TMEM229B: variants seen among roughly 807,000 people sequenced by gnomAD.
TMEM229B encodes transmembrane protein 229B.
Under a neutral mutation model 13.7 loss-of-function variants are expected in TMEM229B, and 6 were observed. That is an observed-to-expected ratio of 0.44 (90% CI 0.24 to 0.86). The LOEUF is 0.86. Among genes scored for constraint, TMEM229B ranks in the 40% least tolerant of loss-of-function variants. The pLI, the probability that TMEM229B is intolerant of heterozygous loss-of-function variation, is 0.23. For synonymous variants in TMEM229B, 107 were observed against 102.1 expected (o/e 1.05, Z -0.29); for missense variants, 170 against 236.0 (o/e 0.72, Z 1.83).
At position 67,473,269 on chromosome 14, in the gene TMEM229B, C is replaced by G. The variant is rs2030892205; in HGVS notation, c.*151G>C. 1 of 1,074,442 alleles carries G rather than the reference C, an allele frequency of 9.3e-7. No homozygotes were observed. Among genetic ancestry groups the G allele is most frequent in the African/African-American group, 1.6e-5 (1 of 63,058 alleles). The allele number at this position is 1,074,442 out of a possible 1,614,324, so 66.6% of individuals were successfully genotyped here. ...TGACCACGGCCCCCCAACACCGGCC[C>G]CCGCGGACGTTAGGGGGCTCTGTGT... On this transcript the variant is annotated 3_prime_UTR_variant, in exon 3 of 3. Transcript: ENST00000554480. The surrounding 1 kb of genome is among the most constrained non-coding windows in gnomAD (Gnocchi z 6.5).
chr14:67,488,428 G>A lies in TMEM229B; in HGVS notation c.-192+80C>T, dbSNP rs181358101. The A allele has an allele frequency of 4.7e-3, 723 of 152,610 alleles. 10 individuals are homozygous for A. The highest frequency in any genetic ancestry group is 0.017 in the African/African-American group (695 of 41,580). 9.5% of individuals were successfully genotyped at this position (152,610 alleles called of 1,614,324 possible). A position where few individuals can be genotyped will look rare whatever the true frequency, so the allele number is the denominator to read the frequency against. ...TGCACTGAGAGCATCACAGTGGGCTGCTGTGCTCAGCCTTGCCTCCCCCTC... is the reference window on the plus strand; with the variant it reads ...TGCACTGAGAGCATCACAGTGGGCTACTGTGCTCAGCCTTGCCTCCCCCTC... On this transcript the variant is annotated intron_variant, in intron 1 of 2. Transcript: ENST00000554480.
chr14:67,514,821 C>A (rs1216039884), intron 1 of TMEM229B, among the ~76,000 whole-genome samples: 1 of 152,182 alleles, frequency 6.6e-6, no homozygotes, highest in Non-Finnish European at 1.5e-5. Context: ...CCCCAACACG[C>A]CCCCCTGTGC....
chr14:67,512,927 T>C (rs1008357923), intron 1 of TMEM229B, among the ~76,000 whole-genome samples: 3 of 152,214 alleles, frequency 2.0e-5, no homozygotes, highest in Admixed American at 1.3e-4. Context: ...TCACAAAAGC[T>C]GTAATTTGGT....
rs747901757 is a variant in TMEM229B, at chr14:67,473,543, C to A, written c.381G>T (p.Gly127=). The A allele has an allele frequency of 7.4e-6, 12 of 1,613,860 alleles. No individual in the cohort carries two copies. Among genetic ancestry groups the A allele is most frequent in the Non-Finnish European group, 1.0e-5 (12 of 1,179,926 alleles). Residue 127 remains glycine, a synonymous_variant, in exon 3 of 3, where the codon GGG becomes GGT. Transcript: ENST00000554480. This position sits in a 1 kb window ranked among gnomAD's most constrained non-coding sequence, Gnocchi z 6.5. ...TGATGAACTGCTCCATGATGAGGGC[C>A]CCGCAGAACCAGGGCACGGCGTACT... ...TLEYAVPWFC[G]ALIMEQFIIR...
chr14:67,501,678 C>T (rs1437304655), intron 1 of TMEM229B, among the ~76,000 whole-genome samples: 1 of 152,228 alleles, frequency 6.6e-6, no homozygotes, highest in Non-Finnish European at 1.5e-5. Flanking sequence ...AAGACCTGTC[C>T]TGCTCCAGTG....
chr14:67,474,285 G>A (rs570315969), intron 2 of TMEM229B, among the ~76,000 whole-genome samples: 10 of 150,992 alleles, frequency 6.6e-5, no homozygotes, highest in African/African-American at 2.4e-4. Flanking sequence ...ACAGAGCAAA[G>A]AACAGAATAA....
chr14:67,476,349 G>T (rs553663944), intron 2 of TMEM229B, among the ~76,000 whole-genome samples: 1 of 152,340 alleles, frequency 6.6e-6, no homozygotes, highest in Non-Finnish European at 1.5e-5. Flanking sequence ...AACTGTGAGA[G>T]GCTGAGGCGG....
At chr14:67,519,241 C>A (rs2140266470), upstream of TMEM229B, among the ~76,000 whole-genome samples, 1 of 152,258 alleles carries the variant, frequency 6.6e-6, no homozygotes, top group Middle Eastern at 3.4e-3. Context: ...TAGAAACCAA[C>A]TTTAGCTATC....
intron 1 of TMEM229B, among the ~76,000 whole-genome samples, chr14:67,520,476 A>G (rs2033274375): frequency 6.6e-6 from 1 of 152,250 alleles, no homozygotes; most frequent in Non-Finnish European, 1.5e-5. Flanking sequence ...TTAGTAATAT[A>G]CATTTAAGTT....
At position 67,473,728 on chromosome 14, in the gene TMEM229B, G is replaced by A. The variant is rs926386994; in HGVS notation, c.196C>T (p.Arg66Trp). ...AGCAGCGGGCAGCGGCCGCGCAGCC[G>A]CAGGTACATGCGCTCCACGATGAGG... The part of the protein sequence containing the change: ...SILIVERMYL[R>W]LRGRCPLLLR... Residue 66 changes from arginine to tryptophan, a missense_variant, in exon 3 of 3, where the codon CGG becomes TGG. Arg to Trp is a moderately radical substitution (Grantham distance 101, BLOSUM62 -3). This residue lies in a region of TMEM229B where 57 missense variants were observed against 66.7 expected (regional missense o/e 0.85). Coordinates refer to ENST00000554480, the MANE Select transcript of TMEM229B (RefSeq NM_001348543.2). This position sits in a 1 kb window ranked among gnomAD's most constrained non-coding sequence, Gnocchi z 6.5. 5 of 1,611,128 alleles carry A rather than the reference G, an allele frequency of 3.1e-6. No individual in the cohort carries two copies. Among genetic ancestry groups the A allele is most frequent in the South Asian group, 2.2e-5 (2 of 90,468 alleles).
intron 1 of TMEM229B, among the ~76,000 whole-genome samples, chr14:67,504,139 G>A (rs2032727491): frequency 6.6e-6 from 1 of 152,012 alleles, no homozygotes; most frequent in Admixed American, 6.6e-5. Context: ...TCAACCTCCT[G>A]AGTAGCTGGG....
chr14:67,506,331 C>T (rs2032825913), intron 1 of TMEM229B, among the ~76,000 whole-genome samples: 3 of 152,170 alleles, frequency 2.0e-5, no homozygotes, highest in East Asian at 3.9e-4. Context: ...AAGTTTTCAC[C>T]CTAGACCAGG....
chr14:67,494,451 G>C (rs1359450665), intron 1 of TMEM229B, among the ~76,000 whole-genome samples: 1 of 152,230 alleles, frequency 6.6e-6, no homozygotes, highest in Non-Finnish European at 1.5e-5. Context: ...TGTGGGTTCT[G>C]TGCTCTATCA....
chr14:67,490,348 G>A (rs149955153), upstream of TMEM229B, among the ~76,000 whole-genome samples: 261 of 152,308 alleles, frequency 1.7e-3, 3 homozygotes, highest in African/African-American at 5.9e-3. Context: ...GCCTGGGTTT[G>A]CACAATACAG....
chr14:67,532,516 G>A (rs1287230305), intron 1 of TMEM229B, among the ~76,000 whole-genome samples: 2 of 152,114 alleles, frequency 1.3e-5, no homozygotes, highest in Non-Finnish European at 2.9e-5. Context: ...TGAGAACGAG[G>A]AGCACATGGG....
intron 1 of TMEM229B, among the ~76,000 whole-genome samples, chr14:67,502,793 G>A (rs1012945554): frequency 6.6e-6 from 1 of 152,144 alleles, no homozygotes; most frequent in Middle Eastern, 3.2e-3. Flanking sequence ...CCAAAGCAGA[G>A]TGACCACAGG....
intron 1 of TMEM229B, among the ~76,000 whole-genome samples, chr14:67,511,168 C>A (rs1323576873): frequency 6.6e-6 from 1 of 152,030 alleles, no homozygotes; most frequent in Non-Finnish European, 1.5e-5. Context: ...AATGAATGGG[C>A]CAGCTAGATG....
intron 2 of TMEM229B, among the ~76,000 whole-genome samples, chr14:67,478,617 C>G (rs2031377028): frequency 6.6e-6 from 1 of 152,214 alleles, no homozygotes; most frequent in Non-Finnish European, 1.5e-5. Context: ...GCTCAAACCC[C>G]TGGGGACGGC....
At chr14:67,476,264 T>G (rs2031186954) in intron 2 of TMEM229B, among the ~76,000 whole-genome samples, 1 of 152,200 alleles carries the variant, frequency 6.6e-6, no homozygotes, top group Non-Finnish European at 1.5e-5. Context: ...TCCAAGCACT[T>G]CGTTCGCATT....
Sources: allele counts gnomAD v4.1 joint callset (sites outside exome capture counted in the v4.1 genomes callset), GRCh38; gene constraint gnomAD v4.1.1; regional missense constraint gnomAD v4.1.1; non-coding constraint Gnocchi (gnomAD v3.1); transcripts MANE v1.5; gene names NCBI Gene and HGNC (gene_info 2026-07-23, HGNC 2026-07-21).